PPP1R16B: variants seen among roughly 807,000 people sequenced by gnomAD.
PPP1R16B encodes the protein protein phosphatase 1 regulatory inhibitor subunit 16B.
PPP1R16B carries 14 observed loss-of-function variants against 61.7 expected under a neutral mutation model. The ratio of observed to expected loss-of-function variants is 0.23; its 90% CI spans 0.15 to 0.35. PPP1R16B has a LOEUF of 0.35. Ranked by LOEUF, PPP1R16B falls within the 10% of genes least tolerant of loss-of-function variation. The probability of loss-of-function intolerance (pLI) is 1.00; values close to 1 mark genes in which losing one functional copy is unlikely to be tolerated. For missense variants in PPP1R16B, 547 were observed against 752.5 expected, an observed-to-expected ratio of 0.73 and a Z score of 3.19; for synonymous variants, 266 against 305.3, an observed-to-expected ratio of 0.87 and a Z score of 1.34.
At chr20:38,823,704 A>T (rs1342113675) in intron 1 of PPP1R16B, among the ~76,000 whole-genome samples, 1 of 152,104 alleles carries the variant, frequency 6.6e-6, no homozygotes, top group Non-Finnish European at 1.5e-5. Flanking sequence ...AGGAGCACCC[A>T]TAGGGGGTTG....
chr20:38,882,790 G>A (rs551331824), intron 2 of PPP1R16B, among the ~76,000 whole-genome samples: 51 of 152,294 alleles, frequency 3.3e-4, no homozygotes, highest in Non-Finnish European at 4.3e-4. Context: ...CCCAGAGGAG[G>A]TGACATTTTG....
At chr20:38,885,862 G>A (rs1182867683) in intron 2 of PPP1R16B, among the ~76,000 whole-genome samples, 2 of 152,174 alleles carry the variant, frequency 1.3e-5, no homozygotes, top group African/African-American at 2.4e-5. Context: ...TGCAACCTCT[G>A]CCTCCTAAAT....
At position 38,918,931 on chromosome 20, in the gene PPP1R16B, G is replaced by A; in HGVS notation, c.*265G>A. 1 of 402,120 alleles carries A rather than the reference G, an allele frequency of 2.5e-6. No homozygotes were observed. Among genetic ancestry groups the A allele is most frequent in the Non-Finnish European group, 4.4e-6 (1 of 227,348 alleles). The allele number at this position is 402,120 out of a possible 1,614,324, so 24.9% of individuals were successfully genotyped here. A position where few individuals can be genotyped will look rare whatever the true frequency, so the allele number is the denominator to read the frequency against. ...TCACTCTGCTGTCTGATCTTGGGAG[G>A]GTGGGCTTGAGATCCCAGCTCTATT... On this transcript the variant is annotated 3_prime_UTR_variant, in exon 11 of 11. Transcript: ENST00000299824. The surrounding 1 kb of genome is among the most constrained non-coding windows in gnomAD (Gnocchi z 5.3).
chr20:38,896,165 T>C lies in PPP1R16B; in HGVS notation c.467+455T>C, dbSNP rs192096206. 7.8e-4 allele frequency among the ~76,000 whole-genome samples: 79 copies of C among 101,920 alleles called. 1 individual carries two copies. The highest frequency in any genetic ancestry group is 1.1e-3 in the Admixed American group (12 of 10,766). The allele number at this position is 101,920 out of a possible 152,430, so 66.9% of individuals were successfully genotyped here. ...TTTCCTTCTTTCTTCCTCCCTCCCTTCCTTCCTTCTTTCTTCCCTCCCTTC... is the reference window on the plus strand; with the variant it reads ...TTTCCTTCTTTCTTCCTCCCTCCCTCCCTTCCTTCTTTCTTCCCTCCCTTC... On this transcript the variant is annotated intron_variant, in intron 4 of 10. Coordinates refer to ENST00000299824, the MANE Select transcript of PPP1R16B (RefSeq NM_015568.4).
At chr20:38,810,001 A>AC (rs1555801359) in intron 1 of PPP1R16B, among the ~76,000 whole-genome samples, 2 of 151,410 alleles carry the variant, frequency 1.3e-5, no homozygotes, top group Non-Finnish European at 2.9e-5. Context: ...AAAAAAAAAA[A>AC]AAAAACAAAA....
rs762026480 is a variant in PPP1R16B, at chr20:38,918,189, C to T, written c.1227C>T (p.Ser409=). 31 of 1,614,100 alleles carry T rather than the reference C, an allele frequency of 1.9e-5. No individual in the cohort carries two copies. Among genetic ancestry groups the T allele is most frequent in the Non-Finnish European group, 2.5e-5 (30 of 1,180,046 alleles). Residue 409 remains serine, a synonymous_variant, in exon 11 of 11, where the codon TCC becomes TCT. Transcript: ENST00000299824. The surrounding 1 kb of genome is among the most constrained non-coding windows in gnomAD (Gnocchi z 5.3). ...NPRLEKPVLL[S]EFPTKIPRGE... ...GGCTGGAGAAGCCCGTGCTACTCTCCGAATTTCCTACCAAGATCCCACGAG... is the reference window on the plus strand; with the variant it reads ...GGCTGGAGAAGCCCGTGCTACTCTCTGAATTTCCTACCAAGATCCCACGAG...
chr20:38,837,654 TTC>T (rs1294865827), intron 2 of PPP1R16B, among the ~76,000 whole-genome samples: 5 of 152,108 alleles, frequency 3.3e-5, no homozygotes, highest in African/African-American at 1.2e-4. Context: ...CCAGCAATTC[TTC>T]TGCCTTAGCC....
intron 2 of PPP1R16B, among the ~76,000 whole-genome samples, chr20:38,873,963 A>AGGTTATC (rs1044496885): frequency 1.3e-5 from 2 of 152,062 alleles, no homozygotes; most frequent in Admixed American, 1.3e-4. Flanking sequence ...TCCTAACCTC[A>AGGTTATC]GGTTATCTGC....
intron 2 of PPP1R16B, among the ~76,000 whole-genome samples, chr20:38,843,905 G>T (rs1379551212): frequency 6.6e-6 from 1 of 152,174 alleles, no homozygotes; most frequent in Non-Finnish European, 1.5e-5. Flanking sequence ...TTTGGTTGAA[G>T]TAAATAAAGA....
chr20:38,857,489 C>A (rs1371928239), intron 2 of PPP1R16B, among the ~76,000 whole-genome samples: 1 of 152,172 alleles, frequency 6.6e-6, no homozygotes, highest in Admixed American at 6.5e-5. Context: ...ATAAGCCATC[C>A]ATTCCAGGAG....
chr20:38,918,033 G>C lies in PPP1R16B; in HGVS notation c.1195-124G>C, dbSNP rs1029726684. ...TTCCCCAAAGGAAAACCCTGGCCCC[G>C]ATACCCAGGGAGAGAAAACAGATAG... On this transcript the variant is annotated intron_variant, in intron 10 of 10. Coordinates refer to ENST00000299824, the MANE Select transcript of PPP1R16B (RefSeq NM_015568.4). This position sits in a 1 kb window ranked among gnomAD's most constrained non-coding sequence, Gnocchi z 5.3. 5 of 1,323,880 alleles carry C rather than the reference G, an allele frequency of 3.8e-6. No individual in the cohort carries two copies. The Admixed American group carries it at 8.4e-5, about 22-fold the overall frequency. 82.0% of individuals were successfully genotyped at this position (1,323,880 alleles called of 1,614,324 possible). A position where few individuals can be genotyped will look rare whatever the true frequency, so the allele number is the denominator to read the frequency against.
chr20:38,878,531 T>C (rs1012276469), intron 2 of PPP1R16B, among the ~76,000 whole-genome samples: 1 of 152,198 alleles, frequency 6.6e-6, no homozygotes, highest in Non-Finnish European at 1.5e-5. Context: ...ATACCAGTTA[T>C]GTATGGAATC....
chr20:38,834,544 C>T (rs1206727609), intron 1 of PPP1R16B, among the ~76,000 whole-genome samples: 4 of 152,086 alleles, frequency 2.6e-5, no homozygotes, highest in Non-Finnish European at 5.9e-5. Flanking sequence ...TTTTAAAGGT[C>T]ATCCAAAGAG....
At chr20:38,847,160 G>A (rs1416622309) in intron 2 of PPP1R16B, among the ~76,000 whole-genome samples, 1 of 152,126 alleles carries the variant, frequency 6.6e-6, no homozygotes, top group Non-Finnish European at 1.5e-5. Flanking sequence ...ATCCATCCCT[G>A]CTATCTCCCC....
intron 5 of PPP1R16B, 137 bp from the exon 6 acceptor site, chr20:38,902,531 T>A (rs1325864543): frequency 8.2e-7 from 1 of 1,215,938 alleles, no homozygotes; most frequent in Non-Finnish European, 1.2e-6. Flanking sequence ...AAGACAATGA[T>A]CTATGGGCAT....
chr20:38,885,430 A>G (rs2085237671), intron 2 of PPP1R16B, among the ~76,000 whole-genome samples: 1 of 152,224 alleles, frequency 6.6e-6, no homozygotes, highest in African/African-American at 2.4e-5. Flanking sequence ...AGAGAGTTCC[A>G]GAAGCAAAGG....
chr20:38,896,964 T>A (rs572820910), intron 4 of PPP1R16B, among the ~76,000 whole-genome samples: 1 of 152,010 alleles, frequency 6.6e-6, no homozygotes, highest in Non-Finnish European at 1.5e-5. Context: ...CTGACCAACA[T>A]GGTGAAGTCC....
intron 2 of PPP1R16B, among the ~76,000 whole-genome samples, chr20:38,879,677 G>A (rs527592025): frequency 6.6e-6 from 1 of 152,260 alleles, no homozygotes; most frequent in East Asian, 1.9e-4. Context: ...TATCCTAAAG[G>A]GTGTGCTGTC....
chr20:38,816,868 G>A (rs2084739003), intron 1 of PPP1R16B, among the ~76,000 whole-genome samples: 1 of 152,196 alleles, frequency 6.6e-6, no homozygotes, highest in African/African-American at 2.4e-5. Flanking sequence ...GGTATGTCCT[G>A]GTTCTGGTCC....
Sources: allele counts gnomAD v4.1 joint callset (sites outside exome capture counted in the v4.1 genomes callset), GRCh38; gene constraint gnomAD v4.1.1; non-coding constraint Gnocchi (gnomAD v3.1); transcripts MANE v1.5; gene names NCBI Gene and HGNC (gene_info 2026-07-23, HGNC 2026-07-21).